The following TSPAN12 variants were observed in gnomAD, a reference collection of about 807,000 sequenced individuals.
The protein encoded by TSPAN12 is tetraspanin-12.
A neutral mutation model predicts 39.2 loss-of-function variants in TSPAN12; 19 were observed. The ratio of observed to expected loss-of-function variants is 0.49; its 90% CI spans 0.34 to 0.71. The LOEUF is 0.71. Among genes scored for constraint, TSPAN12 ranks in the 30% least tolerant of loss-of-function variants. The pLI is 0.01. For synonymous variants in TSPAN12, 119 were observed against 124.8 expected (o/e 0.95, Z 0.31); for missense variants, 314 against 359.9 (o/e 0.87, Z 1.03).
intron 5 of TSPAN12, among the ~76,000 whole-genome samples, chr7:120,810,933 C>T (rs979234156): frequency 4.6e-5 from 7 of 152,172 alleles, no homozygotes; most frequent in Non-Finnish European, 7.4e-5. Flanking sequence ...AAATGTCCTT[C>T]ATTTGATTTC....
chr7:120,811,348 C>T (rs1042520081), intron 5 of TSPAN12, among the ~76,000 whole-genome samples: 1 of 152,100 alleles, frequency 6.6e-6, no homozygotes, highest in Non-Finnish European at 1.5e-5. Context: ...CCAGCCCAAG[C>T]CCATCAATCA....
intron 3 of TSPAN12, among the ~76,000 whole-genome samples, chr7:120,839,543 T>C (rs1794539496): frequency 6.6e-6 from 1 of 152,336 alleles, no homozygotes; most frequent in Non-Finnish European, 1.5e-5. Context: ...CTTACCACAA[T>C]TCAGATGTCA....
chr7:120,850,833 A>G (rs1794757520), intron 2 of TSPAN12, among the ~76,000 whole-genome samples: 1 of 151,690 alleles, frequency 6.6e-6, no homozygotes, highest in South Asian at 2.1e-4. Context: ...AGGATTACAG[A>G]TGCATGCCAC....
intron 7 of TSPAN12, among the ~76,000 whole-genome samples, chr7:120,792,329 C>A (rs921331948): frequency 6.6e-6 from 1 of 152,214 alleles, no homozygotes; most frequent in Non-Finnish European, 1.5e-5. Flanking sequence ...TGAAGCTCGA[C>A]TAGGGAACAG....
At chr7:120,848,780 C>A (rs570846191) in intron 2 of TSPAN12, among the ~76,000 whole-genome samples, 1 of 152,168 alleles carries the variant, frequency 6.6e-6, no homozygotes, top group Non-Finnish European at 1.5e-5. Flanking sequence ...ATTCCAGCAA[C>A]ATTAAATGTC....
At chr7:120,820,374 T>C (rs964476962) in intron 4 of TSPAN12, among the ~76,000 whole-genome samples, 2 of 152,142 alleles carry the variant, frequency 1.3e-5, no homozygotes, top group African/African-American at 4.8e-5. Flanking sequence ...GAAAATGCTT[T>C]GGAAAATGGA....
Position 120,834,261 on chromosome 7 carries a change from A to G in TSPAN12, c.285+4516T>C, listed in dbSNP as rs117609827. ...ATATACTCATACTAAAACATTATTT[A>G]TTGTTTATCTGAAATCAAATTTAAT... On this transcript the variant is annotated intron_variant, in intron 4 of 7. Transcript: ENST00000222747. Among the ~76,000 whole-genome samples, 162 of 152,322 alleles carry G rather than the reference A, an allele frequency of 1.1e-3. No individual in the cohort carries two copies. The East Asian group carries it at 0.019, about 18-fold the overall frequency.
chr7:120,791,731 A>G (rs1793345970), intron 7 of TSPAN12, among the ~76,000 whole-genome samples: 1 of 152,196 alleles, frequency 6.6e-6, no homozygotes, highest in African/African-American at 2.4e-5. Context: ...TTTAAAGTCT[A>G]TTTCAGTTTA....
intron 4 of TSPAN12, among the ~76,000 whole-genome samples, chr7:120,825,912 T>A (rs1042323380): frequency 5.3e-5 from 8 of 152,196 alleles, no homozygotes; most frequent in South Asian, 2.1e-4. Flanking sequence ...ACAATTTTTT[T>A]AAAAAAGTCA....
At chr7:120,834,024 C>T (rs1314530779) in intron 4 of TSPAN12, among the ~76,000 whole-genome samples, 1 of 152,056 alleles carries the variant, frequency 6.6e-6, no homozygotes, top group East Asian at 1.9e-4. Context: ...TCATTTTTGG[C>T]TTGTTTTCCC....
intron 6 of TSPAN12, among the ~76,000 whole-genome samples, chr7:120,809,583 A>G (rs1177055929): frequency 6.6e-6 from 1 of 152,194 alleles, no homozygotes; most frequent in Admixed American, 6.5e-5. Flanking sequence ...CACGTAAGAC[A>G]CTAATTCTCA....
chr7:120,810,811 A>C lies in TSPAN12; in HGVS notation c.361-241T>G, dbSNP rs761501943. On this transcript the variant is annotated intron_variant, in intron 5 of 7. Transcript: ENST00000222747. ...ATAAATGAAGAGGTATTTTGTACTA[A>C]GGAAAAAAATGAGAAATCACTTTAA... Among the ~76,000 whole-genome samples, 29 of 152,346 alleles carry C rather than the reference A, an allele frequency of 1.9e-4. 1 individual carries two copies. The highest frequency in any genetic ancestry group is 4.1e-4 in the South Asian group (2 of 4,830).
At chr7:120,803,801 C>A (rs1287651369) in intron 7 of TSPAN12, among the ~76,000 whole-genome samples, 1 of 152,170 alleles carries the variant, frequency 6.6e-6, no homozygotes, top group Non-Finnish European at 1.5e-5. Context: ...TTTCAAAATT[C>A]ATGGAGCAAG....
chr7:120,799,810 ATATT>A (rs1793726414), intron 7 of TSPAN12, among the ~76,000 whole-genome samples: 1 of 137,144 alleles, frequency 7.3e-6, no homozygotes, highest in Non-Finnish European at 1.5e-5. Context: ...AATATTTATT[ATATT>A]TATTTTAATA....
rs532474420 is a variant in TSPAN12, at chr7:120,840,925, G to A, written c.67-816C>T. On this transcript the variant is annotated intron_variant, in intron 2 of 7. Transcript: ENST00000222747. ...TGGCTGCAATTTTATCAGGTCATTGGTTCTCAATCCTGTCTGTACATTTGA... is the reference window on the plus strand; with the variant it reads ...TGGCTGCAATTTTATCAGGTCATTGATTCTCAATCCTGTCTGTACATTTGA... Among the ~76,000 whole-genome samples the A allele has an allele frequency of 4.6e-5, 7 of 152,278 alleles. No individual in the cohort carries two copies. The South Asian group carries it at 1.2e-3, about 27-fold the overall frequency.
intron 4 of TSPAN12, among the ~76,000 whole-genome samples, chr7:120,819,874 C>T (rs1297023334): frequency 6.6e-6 from 1 of 152,102 alleles, no homozygotes; most frequent in East Asian, 1.9e-4. Flanking sequence ...AGTTTAAGAG[C>T]TAGATTTGAA....
chr7:120,854,059 T>C (rs1794823214), intron 2 of TSPAN12, among the ~76,000 whole-genome samples: 1 of 152,112 alleles, frequency 6.6e-6, no homozygotes, highest in South Asian at 2.1e-4. Flanking sequence ...AAAATATACA[T>C]AAAATGATGC....
At chr7:120,799,521 TAA>T (rs1416301433) in intron 7 of TSPAN12, among the ~76,000 whole-genome samples, 1 of 108,870 alleles carries the variant, frequency 9.2e-6, no homozygotes, top group African/African-American at 3.8e-5. Flanking sequence ...TATATATAAT[TAA>T]TTATATATAA....
intron 1 of TSPAN12, chr7:120,857,422 G>C: frequency 6.5e-6 from 1 of 154,570 alleles, no homozygotes; most frequent in Non-Finnish European, 1.4e-5. Context: ...TTGAGATTCC[G>C]CCCGGCTACT....
Sources: allele counts gnomAD v4.1 joint callset (sites outside exome capture counted in the v4.1 genomes callset), GRCh38; gene constraint gnomAD v4.1.1; transcripts MANE v1.5; gene names NCBI Gene and HGNC (gene_info 2026-07-23, HGNC 2026-07-21).